The following REDIC1 variants were observed in gnomAD, a reference collection of about 807,000 sequenced individuals.
The protein encoded by REDIC1 is regulator of DNA class I crossover intermediates 1, also known as HEI10 Interacting Protein 1.
At chr12:39,712,582 T>TATATACGTATATAC in the REDIC1 span, among the ~76,000 whole-genome samples, 313 of 143,472 alleles carry the variant, frequency 2.2e-3, no homozygotes, top group African/African-American at 7.6e-3. Flanking sequence ...TACGTATATA[T>TATATACGTATATAC]GTATATACGT....
chr12:39,626,409 C>G, the REDIC1 span: 14 of 1,611,632 alleles, frequency 8.7e-6, no homozygotes, highest in Admixed American at 1.2e-4. Flanking sequence ...TCCTACGACT[C>G]CTCTTTCTAG....
At chr12:39,661,789 A>G in the REDIC1 span, among the ~76,000 whole-genome samples, 1 of 152,106 alleles carries the variant, frequency 6.6e-6, no homozygotes, top group Admixed American at 6.6e-5. Flanking sequence ...GTTTCAAGCT[A>G]TACATTTAAG....
the REDIC1 span, among the ~76,000 whole-genome samples, chr12:39,701,656 A>C: frequency 1.3e-5 from 2 of 152,210 alleles, no homozygotes; most frequent in African/African-American, 4.8e-5. Flanking sequence ...GCACCACATG[A>C]CACCTATTCC....
the REDIC1 span, among the ~76,000 whole-genome samples, chr12:39,867,849 G>A: frequency 5.5e-4 from 84 of 152,212 alleles, no homozygotes; most frequent in African/African-American, 2.0e-3. Flanking sequence ...CAAAATATCT[G>A]AGTTTTAAAG....
the REDIC1 span, among the ~76,000 whole-genome samples, chr12:39,769,680 C>A: frequency 2.0e-5 from 3 of 151,832 alleles, no homozygotes; most frequent in Non-Finnish European, 4.4e-5. Context: ...TCTTCTTTTC[C>A]TGCCCTATTT....
chr12:39,884,897 C>G, the REDIC1 span, among the ~76,000 whole-genome samples: 1 of 152,124 alleles, frequency 6.6e-6, no homozygotes, highest in East Asian at 1.9e-4. Flanking sequence ...TAAAATCAGC[C>G]AAGGATCATA....
At chr12:39,817,701 A>G in the REDIC1 span, among the ~76,000 whole-genome samples, 1 of 152,236 alleles carries the variant, frequency 6.6e-6, no homozygotes, top group African/African-American at 2.4e-5. Context: ...CATACTTTAT[A>G]TATATTTTAA....
the REDIC1 span, among the ~76,000 whole-genome samples, chr12:39,903,734 T>C: frequency 6.6e-6 from 1 of 152,082 alleles, no homozygotes; most frequent in African/African-American, 2.4e-5. Context: ...ATTTGAGCTG[T>C]GCATCCAACT....
the REDIC1 span, among the ~76,000 whole-genome samples, chr12:39,694,051 G>A: frequency 6.6e-6 from 1 of 152,122 alleles, no homozygotes; most frequent in African/African-American, 2.4e-5. Context: ...GTGAAGTTGA[G>A]CATCTTTTAA....
the REDIC1 span, chr12:39,872,108 T>A: frequency 1.1e-5 from 7 of 610,556 alleles, no homozygotes; most frequent in Admixed American, 4.2e-5. Flanking sequence ...TCATGCAAGC[T>A]GTTGAAAAGA....
chr12:39,902,938 C>A, the REDIC1 span, among the ~76,000 whole-genome samples: 1 of 151,784 alleles, frequency 6.6e-6, no homozygotes, highest in African/African-American at 2.4e-5. Flanking sequence ...GAGTTGCACA[C>A]AAACTGTTGA....
chr12:39,648,883 C>CT, the REDIC1 span, among the ~76,000 whole-genome samples: 1 of 151,410 alleles, frequency 6.6e-6, no homozygotes, highest in African/African-American at 2.4e-5. Context: ...TTATTAAAGA[C>CT]TTCCCAGATA....
the REDIC1 span, among the ~76,000 whole-genome samples, chr12:39,801,901 T>A: frequency 2.0e-5 from 3 of 152,170 alleles, no homozygotes; most frequent in Non-Finnish European, 2.9e-5. Flanking sequence ...AACTAATTAT[T>A]GAACCAGGCA....
the REDIC1 span, among the ~76,000 whole-genome samples, chr12:39,809,528 TAA>T: frequency 6.6e-6 from 1 of 152,196 alleles, no homozygotes; most frequent in Non-Finnish European, 1.5e-5. Context: ...TATTATACTT[TAA>T]GTTTTAGGGT....
At chr12:39,903,644 A>AG in the REDIC1 span, among the ~76,000 whole-genome samples, 1 of 152,054 alleles carries the variant, frequency 6.6e-6, no homozygotes, top group Non-Finnish European at 1.5e-5. Flanking sequence ...ATGTGAGCCT[A>AG]GGGCTTCTAC....
At chr12:39,805,856 A>G in the REDIC1 span, among the ~76,000 whole-genome samples, 1 of 152,168 alleles carries the variant, frequency 6.6e-6, no homozygotes, top group Admixed American at 6.5e-5. Flanking sequence ...TGCTGAAGGG[A>G]CATTTTGGAA....
chr12:39,790,324 C>A, the REDIC1 span, among the ~76,000 whole-genome samples: 2 of 150,408 alleles, frequency 1.3e-5, no homozygotes, highest in Non-Finnish European at 3.0e-5. Flanking sequence ...CACCCACTAA[C>A]GCGTCATCTA....
the REDIC1 span, among the ~76,000 whole-genome samples, chr12:39,703,751 A>G: frequency 1.3e-5 from 2 of 152,320 alleles, no homozygotes; most frequent in South Asian, 4.1e-4. Flanking sequence ...AGTGGAACAG[A>G]ACAGAGCCCT....
At chr12:39,744,973 TA>T in the REDIC1 span, among the ~76,000 whole-genome samples, 3 of 152,248 alleles carry the variant, frequency 2.0e-5, no homozygotes, top group South Asian at 6.2e-4. Flanking sequence ...ATACATATAT[TA>T]AAAGTAAGAA....
Sources: gnomAD v4.1 joint callset for allele counts (sites outside exome capture counted in the v4.1 genomes callset) on GRCh38, gnomAD v4.1.1 for gene constraint, MANE v1.5 for transcripts, NCBI Gene and HGNC (gene_info 2026-07-23, HGNC 2026-07-21) for gene names.